The following MAP3K15 variants were observed in gnomAD, a reference collection of about 807,000 sequenced individuals.
MAP3K15 encodes the protein MAPK/ERK kinase kinase 15.
MAP3K15 carries 124 observed loss-of-function variants against 99.5 expected under a neutral mutation model. That is an observed-to-expected ratio of 1.25 (90% confidence interval 1.08 to 1.45). The LOEUF is 1.45. Ranked by LOEUF, MAP3K15 falls within the 40% of genes most tolerant of loss-of-function variation. The pLI is 0.00. For missense variants in MAP3K15, 1,242 were observed against 1,079.7 expected (o/e 1.15, Z -2.11); for synonymous variants, 494 against 439.6 (o/e 1.12, Z -1.55).
At chrX:19,393,939 A>G (rs1276062077) in intron 16 of MAP3K15, among the ~76,000 whole-genome samples, 1 of 107,664 alleles carries the variant, frequency 9.3e-6, no homozygotes, top group Non-Finnish European at 1.9e-5. Context: ...CACCTGGCTA[A>G]TTTTTTGTAT....
At chrX:19,424,830 A>G (rs1354496324) in intron 9 of MAP3K15, among the ~76,000 whole-genome samples, 1 of 97,652 alleles carries the variant, frequency 1.0e-5, no homozygotes, top group Admixed American at 1.1e-4. Context: ...TTTTTTTTGT[A>G]GACACTGGGT....
chrX:19,362,630 G>C, intron 26 of MAP3K15, 108 bp downstream of exon 26: 2 of 496,481 alleles, frequency 4.0e-6, no homozygotes, highest in Non-Finnish European at 7.0e-6. Context: ...AAGTAGTCTA[G>C]AATCTACTGG....
intron 3 of MAP3K15, among the ~76,000 whole-genome samples, chrX:19,467,952 T>C (rs978764934): frequency 1.8e-5 from 2 of 111,810 alleles, no homozygotes; most frequent in East Asian, 5.6e-4. Context: ...CTGAGAAGAC[T>C]AGAGGCTGTT....
chrX:19,472,007 G>A (rs1166337838), intron 3 of MAP3K15, among the ~76,000 whole-genome samples: 1 of 111,097 alleles, frequency 9.0e-6, no homozygotes, highest in Non-Finnish European at 1.9e-5. Context: ...TGGATCACGA[G>A]GCCAGGAGAT....
intron 3 of MAP3K15, among the ~76,000 whole-genome samples, chrX:19,481,594 C>T (rs1157364098): frequency 1.8e-5 from 2 of 111,903 alleles, no homozygotes; most frequent in Non-Finnish European, 3.8e-5. Context: ...AATAAGAACA[C>T]AGCCCAATTT....
At position 19,395,129 on chromosome X, in the gene MAP3K15, CAG is replaced by C. The variant is rs1356946165; in HGVS notation, c.2144_2145del (p.Ser715CysfsTer8). ...KHRNIVQYLG[S>X]VSENGYIKIF... ...ATCTTAATGTAGCCGTTCTCTGAAA[CAG>C]AGCCCAGGTACTGAACGATATTGCG... On this transcript the variant is annotated frameshift_variant, in exon 16 of 29. Coordinates refer to ENST00000338883, the MANE Select transcript of MAP3K15 (RefSeq NM_001001671.4). LOFTEE classifies it high-confidence loss of function. 8.3e-7 allele frequency: 1 copy of C among 1,206,885 alleles called. No individual in the cohort carries two copies. The highest frequency in any genetic ancestry group is 2.3e-4 in the Middle Eastern group (1 of 4,364).
intron 19 of MAP3K15, among the ~76,000 whole-genome samples, chrX:19,377,547 A>C (rs1043223462): frequency 9.0e-6 from 1 of 111,478 alleles, no homozygotes; most frequent in Admixed American, 9.5e-5. Context: ...CTGTCAAAAA[A>C]AAAAAGAGAG....
In MAP3K15 at chrX:19,488,974, T is replaced by C; in HGVS notation, c.362-7A>G. ...ATGTCTACCACAGCAACATCTGCAA[T>C]GAACAAGGAGAGGACAGGATTAGGG... On this transcript the variant is annotated splice_polypyrimidine_tract_variant and splice_region_variant and intron_variant, in intron 1 of 28. Coordinates refer to ENST00000338883, the MANE Select transcript of MAP3K15 (RefSeq NM_001001671.4). The C allele has an allele frequency of 8.4e-7, 1 of 1,196,846 alleles. No homozygotes were observed. Among genetic ancestry groups the C allele is most frequent in the Non-Finnish European group, 1.1e-6 (1 of 893,015 alleles).
At chrX:19,441,860 T>A (rs759723852) in intron 6 of MAP3K15, among the ~76,000 whole-genome samples, 2 of 111,930 alleles carry the variant, frequency 1.8e-5, no homozygotes, top group South Asian at 3.8e-4. Context: ...TTTCCTATCA[T>A]CTGGCTGAAA....
chrX:19,415,066 T>C (rs770420640), intron 10 of MAP3K15, 41 bp downstream of exon 10: 18 of 1,088,013 alleles, frequency 1.7e-5, no homozygotes, highest in Admixed American at 3.5e-5. Flanking sequence ...TCCCTAGTTT[T>C]TTTCCTAATC....
At chrX:19,411,501 G>C (rs12845485) in intron 11 of MAP3K15, among the ~76,000 whole-genome samples, 294 of 112,772 alleles carry the variant, frequency 2.6e-3, no homozygotes, top group Non-Finnish European at 4.4e-3. Context: ...CCTTGCATGT[G>C]AGTGAAGAGA....
At chrX:19,504,459 T>C (rs2064462226) in intron 1 of MAP3K15, among the ~76,000 whole-genome samples, 1 of 111,411 alleles carries the variant, frequency 9.0e-6, no homozygotes, top group Admixed American at 9.6e-5. Flanking sequence ...TGGCGAACAC[T>C]GTCTTTGCCA....
rs766743442 is a variant in MAP3K15 at position 19,371,522 on chromosome X, T to C, written c.3117A>G (p.Glu1039=). The C allele has an allele frequency of 1.0e-4, 119 of 1,194,691 alleles. No homozygotes were observed. In the South Asian group the frequency reaches 2.0e-3, roughly 20 times the overall value. Residue 1039 remains glutamate, a synonymous_variant, in exon 23 of 29, where the codon GAA becomes GAG. Coordinates refer to ENST00000338883, the MANE Select transcript of MAP3K15 (RefSeq NM_001001671.4). ...NLQECVAQSS[E]ELHLSVGHIK... ...TGTGTCCAACTGAGAGATGCAACTC[T>C]TCGGAACTCTGAAAACACACACAAA...
chrX:19,462,541 G>A (rs1404019107), intron 4 of MAP3K15, among the ~76,000 whole-genome samples: 1 of 110,444 alleles, frequency 9.1e-6, no homozygotes, highest in Non-Finnish European at 1.9e-5. Context: ...TTTTTCAAGG[G>A]TAATTCTGAA....
At position 19,488,825 on chromosome X, in the gene MAP3K15, T is replaced by C; in HGVS notation, c.501+3A>G. On this transcript the variant is annotated splice_donor_region_variant and intron_variant, in intron 2 of 28. Transcript: ENST00000338883. ...TACTCAGGAGAAGGTGAATACACTG[T>C]ACCTTCAAAGAGAGAGCAGTGTCGG... is the stretch of plus-strand genomic sequence containing the variant. The C allele has an allele frequency of 8.4e-6, 10 of 1,196,891 alleles. No homozygotes were observed. Among genetic ancestry groups the C allele is most frequent in the Non-Finnish European group, 1.0e-5 (9 of 892,602 alleles).
At chrX:19,513,816 G>T (rs2064537299) in intron 1 of MAP3K15, among the ~76,000 whole-genome samples, 2 of 111,229 alleles carry the variant, frequency 1.8e-5, no homozygotes, top group African/African-American at 6.6e-5. Flanking sequence ...GGTGACAGAG[G>T]TTTGTCACCA....
At chrX:19,508,562 T>C (rs1289889463) in intron 1 of MAP3K15, among the ~76,000 whole-genome samples, 2 of 112,232 alleles carry the variant, frequency 1.8e-5, no homozygotes, top group Non-Finnish European at 3.8e-5. Context: ...ATAGTAAATT[T>C]TGTTATACAT....
In MAP3K15 at chrX:19,415,217, G is replaced by T. The variant is rs41305349; in HGVS notation, c.1480C>A (p.Arg494Ser). The T allele has an allele frequency of 1.7e-6, 2 of 1,179,861 alleles. No homozygotes were observed. Among genetic ancestry groups the T allele is most frequent in the South Asian group, 1.9e-5 (1 of 53,585 alleles). ...TGTTCAATAATGGTTTTCTTGAAGC[G>T]CCGAATTAGTAACAAGTTCTGAACT... ...SLVQNLLLIR[R>S]FKKTIIEHSP... Residue 494 changes from arginine to serine, a missense_variant, in exon 10 of 29, where the codon CGC becomes AGC. Arg to Ser is a moderately radical substitution (Grantham distance 110). Transcript: ENST00000338883.
At chrX:19,509,420 G>C (rs1249532009) in intron 1 of MAP3K15, among the ~76,000 whole-genome samples, 3 of 111,887 alleles carry the variant, frequency 2.7e-5, no homozygotes, top group Admixed American at 9.6e-5. Context: ...AATTAAATTA[G>C]AACTCAGGAT....
Sources: allele counts gnomAD v4.1 joint callset (sites outside exome capture counted in the v4.1 genomes callset), GRCh38; gene constraint gnomAD v4.1.1; transcripts MANE v1.5; gene names NCBI Gene and HGNC (gene_info 2026-07-23, HGNC 2026-07-21).